The following ST7 variants were observed in gnomAD, a reference collection of about 807,000 sequenced individuals.
The protein encoded by ST7 is suppressor of tumorigenicity 7 protein.
In ST7, 28 loss-of-function variants were observed where a neutral mutation model predicts 78.7. The observed-to-expected ratio is 0.36, with a 90% CI of 0.26 to 0.49. The LOEUF is 0.49. Ranked by LOEUF, ST7 falls within the 20% of genes least tolerant of loss-of-function variation. The pLI, the probability that ST7 is intolerant of heterozygous loss-of-function variation, is 0.99. For missense variants in ST7, 418 were observed against 696.0 expected (o/e 0.60, Z 4.49); for synonymous variants, 247 against 249.6 (o/e 0.99, Z 0.10).
chr7:116,957,783 C>A (rs1199077372), intron 1 of ST7, among the ~76,000 whole-genome samples: 1 of 152,204 alleles, frequency 6.6e-6, no homozygotes, highest in Non-Finnish European at 1.5e-5. Flanking sequence ...ACTTTCTCAT[C>A]TACCCTATGT....
intron 1 of ST7, among the ~76,000 whole-genome samples, chr7:117,053,571 C>G (rs188576894): frequency 3.9e-5 from 6 of 152,306 alleles, no homozygotes; most frequent in Non-Finnish European, 7.4e-5. Context: ...GCTTTATCCT[C>G]ATCCCAGCCC....
chr7:117,021,387 G>A (rs1367551555), intron 1 of ST7, among the ~76,000 whole-genome samples: 1 of 152,186 alleles, frequency 6.6e-6, no homozygotes, highest in Non-Finnish European at 1.5e-5. Flanking sequence ...TACAGGCTCT[G>A]CAGAATATTT....
chr7:117,219,203 G>A lies in ST7; in HGVS notation c.1498+27G>A, dbSNP rs1792907958. ...TAAGTCTCACCTCTCTTCAGCCAGT[G>A]AGGGTGTGTGGTGAAAGGTGGGGAT... On this transcript the variant is annotated intron_variant, in intron 14 of 15. Transcript: ENST00000323984. This position sits in a 1 kb window ranked among gnomAD's most constrained non-coding sequence, Gnocchi z 5.1. The A allele has an allele frequency of 1.3e-6, 2 of 1,582,912 alleles. No individual in the cohort carries two copies. The highest frequency in any genetic ancestry group is 2.2e-5 in the East Asian group (1 of 44,504).
At chr7:117,229,180 T>C (rs1467736683) in intron 15 of ST7, among the ~76,000 whole-genome samples, 1 of 152,146 alleles carries the variant, frequency 6.6e-6, no homozygotes, top group Non-Finnish European at 1.5e-5. Flanking sequence ...TTAACAAGGA[T>C]CTGTCCTCCA....
intron 2 of ST7, among the ~76,000 whole-genome samples, chr7:117,104,620 A>G (rs146319610): frequency 7.2e-4 from 109 of 152,346 alleles, no homozygotes; most frequent in African/African-American, 2.6e-3. Flanking sequence ...TCTTGGATAT[A>G]TATCCAAAAG....
At chr7:117,000,354 T>A (rs1403262199) in intron 1 of ST7, among the ~76,000 whole-genome samples, 1 of 152,220 alleles carries the variant, frequency 6.6e-6, no homozygotes, top group Non-Finnish European at 1.5e-5. Flanking sequence ...GTGGCTAGTG[T>A]GACTGAGGAA....
intron 1 of ST7, among the ~76,000 whole-genome samples, chr7:116,960,509 C>T (rs73473268): frequency 0.031 from 4,789 of 152,270 alleles, 241 homozygotes; most frequent in African/African-American, 0.11. Flanking sequence ...TGAAGTATTT[C>T]TAATCACTTC....
chr7:117,099,750 T>C lies in ST7; in HGVS notation c.152-12T>C. ...CTTGTTCTTCTCCCTTTCTCTCTCT[T>C]TTCTTTTTCAGTGAGCATGTTTTTG... is the stretch of plus-strand genomic sequence containing the variant. On this transcript the variant is annotated splice_polypyrimidine_tract_variant and intron_variant, in intron 1 of 15. Transcript: ENST00000323984. 1.2e-6 allele frequency: 2 copies of C among 1,606,904 alleles called. No individual in the cohort carries two copies. The highest frequency in any genetic ancestry group is 2.2e-5 in the East Asian group (1 of 44,556).
At chr7:117,187,427 G>A (rs980809822) in intron 10 of ST7, 1 of 152,102 alleles carries the variant, frequency 6.6e-6, no homozygotes, top group African/African-American at 2.4e-5. Flanking sequence ...TTTAAAAATG[G>A]AGAAAAGGTA....
At chr7:117,101,166 C>T (rs1358321388) in intron 2 of ST7, among the ~76,000 whole-genome samples, 1 of 152,162 alleles carries the variant, frequency 6.6e-6, no homozygotes, top group Non-Finnish European at 1.5e-5. Flanking sequence ...CCAGGTTCAT[C>T]TTGCTTTGCT....
chr7:117,203,815 A>T (rs1811089127), intron 12 of ST7, among the ~76,000 whole-genome samples: 1 of 152,194 alleles, frequency 6.6e-6, no homozygotes. Context: ...CCCCTGAGGT[A>T]AATTATGGTG....
chr7:117,063,776 A>G (rs960521667), intron 1 of ST7, among the ~76,000 whole-genome samples: 3 of 152,194 alleles, frequency 2.0e-5, no homozygotes, highest in African/African-American at 7.2e-5. Flanking sequence ...CTATAGAAGC[A>G]TAGTTAACTT....
intron 1 of ST7, among the ~76,000 whole-genome samples, chr7:116,978,592 A>C (rs1793809069): frequency 6.6e-6 from 1 of 151,488 alleles, no homozygotes; most frequent in Non-Finnish European, 1.5e-5. Flanking sequence ...CTATCTATCT[A>C]ATCTATCTAT....
At chr7:117,204,705 A>G (rs189440000) in intron 12 of ST7, among the ~76,000 whole-genome samples, 309 of 152,250 alleles carry the variant, frequency 2.0e-3, no homozygotes, top group African/African-American at 7.0e-3. Flanking sequence ...TGTTTTAAAA[A>G]CATCTTTTCT....
intron 12 of ST7, among the ~76,000 whole-genome samples, chr7:117,206,856 C>A (rs1791807130): frequency 6.6e-6 from 1 of 152,204 alleles, no homozygotes; most frequent in Non-Finnish European, 1.5e-5. Flanking sequence ...ACAGTCAATG[C>A]TGTCCAAAAG....
At chr7:117,040,616 A>T (rs1797163403) in intron 1 of ST7, among the ~76,000 whole-genome samples, 1 of 152,348 alleles carries the variant, frequency 6.6e-6, no homozygotes, top group Admixed American at 6.5e-5. Flanking sequence ...GGGGATGGTC[A>T]TGGGTAAAGC....
chr7:117,027,267 C>T (rs904792195), intron 1 of ST7, among the ~76,000 whole-genome samples: 1 of 151,890 alleles, frequency 6.6e-6, no homozygotes, highest in African/African-American at 2.4e-5. Context: ...CATGGTGAAA[C>T]CCTGTCTCTA....
At chr7:117,111,980 ATG>A (rs1344691457) in intron 2 of ST7, among the ~76,000 whole-genome samples, 1 of 152,124 alleles carries the variant, frequency 6.6e-6, no homozygotes, top group Non-Finnish European at 1.5e-5. Flanking sequence ...CCCTATTAAA[ATG>A]TGTGTGTATG....
intron 1 of ST7, among the ~76,000 whole-genome samples, chr7:116,985,935 C>G (rs1178526616): frequency 4.6e-5 from 7 of 152,190 alleles, no homozygotes; most frequent in Non-Finnish European, 8.8e-5. Context: ...CAGGTTCAAG[C>G]GACTCTTATG....
Sources: allele counts gnomAD v4.1 joint callset (sites outside exome capture counted in the v4.1 genomes callset), GRCh38; gene constraint gnomAD v4.1.1; non-coding constraint Gnocchi (gnomAD v3.1); transcripts MANE v1.5; gene names NCBI Gene and HGNC (gene_info 2026-07-23, HGNC 2026-07-21).